The following PLD5 variants were observed in gnomAD, a reference collection of about 807,000 sequenced individuals.
The protein encoded by PLD5 is inactive phospholipase D5.
A neutral mutation model predicts 61.1 loss-of-function variants in PLD5; 36 were observed. The ratio of observed to expected loss-of-function variants is 0.59; its 90% CI spans 0.45 to 0.78. The LOEUF (loss-of-function observed/expected upper bound fraction) is 0.78, where lower values mean the gene tolerates loss of function less well. Ranked by LOEUF, PLD5 falls within the 30% of genes least tolerant of loss-of-function variation. PLD5 has a pLI of 0.00. For synonymous variants in PLD5, 243 were observed against 242.8 expected, an observed-to-expected ratio of 1.00 and a Z score of -0.01; for missense variants, 515 against 644.4, an observed-to-expected ratio of 0.80 and a Z score of 2.17.
chr1:242,403,497 C>T (rs1664056172), intron 1 of PLD5, among the ~76,000 whole-genome samples: 1 of 149,904 alleles, frequency 6.7e-6, no homozygotes, highest in Admixed American at 6.7e-5. Flanking sequence ...AGATATCTCG[C>T]TCCGTCATCC....
intron 1 of PLD5, among the ~76,000 whole-genome samples, chr1:242,402,762 A>G (rs1243498572): frequency 2.0e-5 from 3 of 152,230 alleles, no homozygotes; most frequent in Non-Finnish European, 4.4e-5. Context: ...AAAGTGAAAA[A>G]CAGCACTGCA....
rs1249154146 is a variant in PLD5, at chr1:242,132,205, G to GC, written c.736-7541_736-7540insG. On this transcript the variant is annotated intron_variant, in intron 5 of 9. Coordinates refer to ENST00000536534, the MANE Select transcript of PLD5 (RefSeq NM_001372062.1). ...ATGCAGTGATTGCGGGGGGGGGGGG[G>GC]GGCGGAATCATTTTTAGCTAGGTCA... Among the ~76,000 whole-genome samples, 17 of 98,252 alleles carry GC rather than the reference G, an allele frequency of 1.7e-4. 1 individual carries two copies. The highest frequency in any genetic ancestry group is 3.2e-4 in the African/African-American group (9 of 27,742). The allele number at this position is 98,252 out of a possible 152,430, so 64.5% of individuals were successfully genotyped here.
intron 1 of PLD5, among the ~76,000 whole-genome samples, chr1:242,377,723 T>G (rs1364408017): frequency 6.6e-6 from 1 of 152,114 alleles, no homozygotes; most frequent in Non-Finnish European, 1.5e-5. Context: ...AGGAGTTCAA[T>G]GGACATTTCT....
At chr1:242,198,034 G>A (rs945405561) in intron 5 of PLD5, among the ~76,000 whole-genome samples, 2 of 152,110 alleles carry the variant, frequency 1.3e-5, no homozygotes, top group African/African-American at 2.4e-5. Flanking sequence ...GCTGCCAGTG[G>A]AGCCTGGTAC....
chr1:242,482,011 AG>A (rs1667795022), intron 1 of PLD5, among the ~76,000 whole-genome samples: 1 of 152,222 alleles, frequency 6.6e-6, no homozygotes, highest in Non-Finnish European at 1.5e-5. Context: ...GATTGTTAGA[AG>A]GAAAACTAAC....
chr1:242,419,858 CT>C (rs1665042029), intron 1 of PLD5, among the ~76,000 whole-genome samples: 1 of 152,158 alleles, frequency 6.6e-6, no homozygotes, highest in Non-Finnish European at 1.5e-5. Context: ...ACTCACACCA[CT>C]GTATGAGACT....
chr1:242,164,133 T>TAATA (rs1260098410), intron 5 of PLD5, among the ~76,000 whole-genome samples: 1 of 149,604 alleles, frequency 6.7e-6, no homozygotes. Context: ...GTCAAACTCC[T>TAATA]AATACCCAGC....
intron 2 of PLD5, among the ~76,000 whole-genome samples, chr1:242,310,228 T>C (rs1574709504): frequency 6.6e-6 from 1 of 152,280 alleles, no homozygotes; most frequent in East Asian, 1.9e-4. Context: ...ACACACACGC[T>C]GAGAGCAGAC....
At chr1:242,322,959 C>T (rs1658514667) in intron 2 of PLD5, among the ~76,000 whole-genome samples, 1 of 151,926 alleles carries the variant, frequency 6.6e-6, no homozygotes, top group Non-Finnish European at 1.5e-5. Flanking sequence ...ATCTGTCTTC[C>T]CCATTAGACT....
intron 9 of PLD5, among the ~76,000 whole-genome samples, chr1:242,099,463 T>C (rs923340492): frequency 6.6e-6 from 1 of 152,156 alleles, no homozygotes; most frequent in African/African-American, 2.4e-5. Flanking sequence ...TACTCTCTTC[T>C]AATGTGATAT....
intron 1 of PLD5, among the ~76,000 whole-genome samples, chr1:242,357,489 CTT>C (rs1274414654): frequency 3.6e-5 from 5 of 139,520 alleles, no homozygotes; most frequent in Non-Finnish European, 3.1e-5. Context: ...GACATTTTTT[CTT>C]TTTTTTTTTT....
chr1:242,290,419 A>G (rs1675289642), intron 2 of PLD5, among the ~76,000 whole-genome samples: 1 of 152,106 alleles, frequency 6.6e-6, no homozygotes, highest in Admixed American at 6.6e-5. Context: ...AGCGTGAAGT[A>G]GGAAAGTTAC....
At chr1:242,216,080 A>G (rs1452380383) in intron 5 of PLD5, among the ~76,000 whole-genome samples, 1 of 152,216 alleles carries the variant, frequency 6.6e-6, no homozygotes, top group Non-Finnish European at 1.5e-5. Context: ...ATCAAACTGA[A>G]GTGCCAAGTA....
At chr1:242,094,358 A>G (rs566709368) in intron 9 of PLD5, among the ~76,000 whole-genome samples, 1 of 152,266 alleles carries the variant, frequency 6.6e-6, no homozygotes, top group East Asian at 1.9e-4. Flanking sequence ...AGCTTGACTC[A>G]AATGTACCCT....
chr1:242,181,485 C>A (rs539076120), intron 5 of PLD5, among the ~76,000 whole-genome samples: 1 of 152,022 alleles, frequency 6.6e-6, no homozygotes, highest in South Asian at 2.1e-4. Flanking sequence ...TTTTTTTTAA[C>A]ATGCAGAAGA....
intron 2 of PLD5, among the ~76,000 whole-genome samples, chr1:242,337,081 G>A (rs958030458): frequency 4.0e-5 from 6 of 151,896 alleles, no homozygotes; most frequent in African/African-American, 1.4e-4. Flanking sequence ...TGTAGAGCCT[G>A]AGTGAGCTCT....
intron 3 of PLD5, among the ~76,000 whole-genome samples, chr1:242,278,112 T>C (rs1674512836): frequency 6.6e-6 from 1 of 152,228 alleles, no homozygotes; most frequent in Non-Finnish European, 1.5e-5. Context: ...ATTTGGTTTC[T>C]CTCTCATTTC....
intron 1 of PLD5, among the ~76,000 whole-genome samples, chr1:242,503,339 G>T (rs762480244): frequency 5.3e-5 from 8 of 152,144 alleles, no homozygotes; most frequent in Non-Finnish European, 1.2e-4. Flanking sequence ...CCTGCCAGGC[G>T]TCGTCCTGCT....
At chr1:242,106,441 C>T (rs1057279355) in intron 8 of PLD5, among the ~76,000 whole-genome samples, 1 of 152,166 alleles carries the variant, frequency 6.6e-6, no homozygotes, top group Non-Finnish European at 1.5e-5. Flanking sequence ...GTACCAGGAA[C>T]TTCAGACCAT....
Sources: allele counts gnomAD v4.1 joint callset (sites outside exome capture counted in the v4.1 genomes callset), GRCh38; gene constraint gnomAD v4.1.1; transcripts MANE v1.5; gene names NCBI Gene and HGNC (gene_info 2026-07-23, HGNC 2026-07-21).